LRRC63: variants seen among roughly 807,000 people sequenced by gnomAD.
LRRC63 encodes the protein leucine rich repeat containing 63.
Under a neutral mutation model 49.5 loss-of-function variants are expected in LRRC63, and 40 were observed. The observed-to-expected ratio is 0.81, with a 90% CI of 0.63 to 1.05. The LOEUF is 1.05. LRRC63 is among the 50% of genes least tolerant of loss of function. LRRC63 has a pLI of 0.00. For synonymous variants in LRRC63, 191 were observed against 221.1 expected, an observed-to-expected ratio of 0.86 and a Z score of 1.21; for missense variants, 636 against 663.1, an observed-to-expected ratio of 0.96 and a Z score of 0.45.
At chr13:46,240,118 CTCTT>C (rs1472946655) in intron 5 of LRRC63, among the ~76,000 whole-genome samples, 1 of 142,132 alleles carries the variant, frequency 7.0e-6, no homozygotes, top group African/African-American at 2.8e-5. Flanking sequence ...CTATCTCTCT[CTCTT>C]TTTCTTTTTT....
At chr13:46,231,246 TCTC>T (rs1352684051) in intron 4 of LRRC63, among the ~76,000 whole-genome samples, 2 of 152,068 alleles carry the variant, frequency 1.3e-5, no homozygotes, top group East Asian at 3.8e-4. Flanking sequence ...GCAATGCCCT[TCTC>T]CTCAGTACCA....
At chr13:46,238,424 C>T (rs148162208) in intron 5 of LRRC63, among the ~76,000 whole-genome samples, 1 of 151,960 alleles carries the variant, frequency 6.6e-6, no homozygotes, top group East Asian at 1.9e-4. Context: ...TGTATTAGTA[C>T]ATTGTCATAC....
chr13:46,268,408 C>T (rs1594099365), intron 9 of LRRC63, among the ~76,000 whole-genome samples: 1 of 152,074 alleles, frequency 6.6e-6, no homozygotes, highest in African/African-American at 2.4e-5. Flanking sequence ...ATAATGGCTA[C>T]AGATTCTTAG....
intron 2 of LRRC63, among the ~76,000 whole-genome samples, chr13:46,218,008 G>A (rs928674348): frequency 6.6e-6 from 1 of 152,158 alleles, no homozygotes; most frequent in African/African-American, 2.4e-5. Flanking sequence ...TCTGAGGAGT[G>A]TTTTACTTCC....
At chr13:46,247,830 G>A (rs563171584) in intron 6 of LRRC63, among the ~76,000 whole-genome samples, 2 of 152,158 alleles carry the variant, frequency 1.3e-5, no homozygotes, top group African/African-American at 4.8e-5. Context: ...AAGCAGAAAT[G>A]TTAAATAAAG....
At chr13:46,250,636 A>T in intron 7 of LRRC63, 145 bp downstream of exon 7, 1 of 673,868 alleles carries the variant, frequency 1.5e-6, no homozygotes, top group South Asian at 2.1e-5. Flanking sequence ...GCTTCTTCTT[A>T]TGGTGTTAAA....
At chr13:46,246,375 A>T (rs2047212898) in intron 5 of LRRC63, among the ~76,000 whole-genome samples, 152 bp from the exon 6 acceptor site, 1 of 151,880 alleles carries the variant, frequency 6.6e-6, no homozygotes, top group East Asian at 1.9e-4. Flanking sequence ...TGACAGACTA[A>T]AAAAAAATGA....
rs777304933 is a variant in LRRC63, at chr13:46,227,886, TC to T, written c.462del (p.Lys155SerfsTer42). On this transcript the variant is annotated frameshift_variant, in exon 3 of 10. Coordinates refer to ENST00000595396, the Ensembl canonical transcript of LRRC63. LOFTEE classifies it high-confidence loss of function. The stretch of plus-strand genomic sequence containing the variant: ...GCTAGAAAACATTTTAATTCTTTCT[TC>T]CAAGTTTTCCAAACCTAAAAGTACT... 1.6e-5 allele frequency: 25 copies of T among 1,550,560 alleles called. No homozygotes were observed. Among genetic ancestry groups the T allele is most frequent in the Non-Finnish European group, 2.2e-5 (25 of 1,146,976 alleles).
chr13:46,216,774 T>C (rs1480553818), intron 2 of LRRC63, among the ~76,000 whole-genome samples: 1 of 152,240 alleles, frequency 6.6e-6, no homozygotes, highest in Non-Finnish European at 1.5e-5. Context: ...TTGAGATATG[T>C]TCCATCAATA....
chr13:46,235,898 G>T (rs1217490412), intron 5 of LRRC63, among the ~76,000 whole-genome samples: 1 of 152,066 alleles, frequency 6.6e-6, no homozygotes, highest in Non-Finnish European at 1.5e-5. Flanking sequence ...AGAATAATGT[G>T]TGAACAAAGA....
chr13:46,276,857 T>TATATATATATATATATTTAC (rs2047849612), exon 10 of LRRC63: 1 of 160,084 alleles, frequency 6.2e-6, no homozygotes, highest in Non-Finnish European at 1.2e-5. Context: ...TATATTTATA[T>TATATATATATATATATTTAC]ATATATATAT....
At chr13:46,269,381 G>A (rs988861809) in intron 9 of LRRC63, among the ~76,000 whole-genome samples, 3 of 152,078 alleles carry the variant, frequency 2.0e-5, no homozygotes, top group Non-Finnish European at 4.4e-5. Context: ...GGGAAAACTT[G>A]ACATTTTGAC....
At chr13:46,218,377 T>C (rs2046313024) in intron 2 of LRRC63, among the ~76,000 whole-genome samples, 1 of 152,196 alleles carries the variant, frequency 6.6e-6, no homozygotes, top group African/African-American at 2.4e-5. Context: ...TTTTGACCTT[T>C]GTTGGTTTAA....
intron 2 of LRRC63, 58 bp downstream of exon 2, chr13:46,213,177 T>C: frequency 8.5e-7 from 1 of 1,173,290 alleles, no homozygotes; most frequent in Non-Finnish European, 1.2e-6. Flanking sequence ...TAGAAATTCC[T>C]TGACTTGCAC....
intron 7 of LRRC63, among the ~76,000 whole-genome samples, chr13:46,254,978 T>C (rs2047472030): frequency 6.6e-6 from 1 of 152,224 alleles, no homozygotes; most frequent in African/African-American, 2.4e-5. Flanking sequence ...AACCTAATTG[T>C]TTTTATTCGC....
At chr13:46,212,362 C>T (rs931633720) in intron 1 of LRRC63, 103 bp downstream of exon 1, 1 of 152,258 alleles carries the variant, frequency 6.6e-6, no homozygotes, top group Admixed American at 6.5e-5. Flanking sequence ...ACTAAAAGCA[C>T]ATTTTGGGGG....
intron 4 of LRRC63, among the ~76,000 whole-genome samples, chr13:46,230,278 G>A (rs1039619858): frequency 5.3e-5 from 8 of 152,180 alleles, no homozygotes; most frequent in African/African-American, 1.7e-4. Context: ...AAAGTCTCAC[G>A]TGAGACAAGG....
At chr13:46,227,735 T>G (rs557492131) in exon 3 of LRRC63, 1 of 1,550,524 alleles carries the variant, frequency 6.4e-7, no homozygotes, top group South Asian at 1.2e-5. Flanking sequence ...TTCCAGATAC[T>G]GCTACTGGTT....
At chr13:46,238,454 A>C (rs1242306969) in intron 5 of LRRC63, among the ~76,000 whole-genome samples, 1 of 149,348 alleles carries the variant, frequency 6.7e-6, no homozygotes, top group Non-Finnish European at 1.5e-5. Flanking sequence ...GAAATACCTG[A>C]GACTGGGTAA....
Sources: gnomAD v4.1 joint callset for allele counts (sites outside exome capture counted in the v4.1 genomes callset) on GRCh38, gnomAD v4.1.1 for gene constraint, MANE v1.5 for transcripts, NCBI Gene and HGNC (gene_info 2026-07-23, HGNC 2026-07-21) for gene names.